The following ANKRD27 variants were observed in gnomAD, a reference collection of about 807,000 sequenced individuals.
ANKRD27 encodes ankyrin repeat domain 27.
A neutral mutation model predicts 129.7 loss-of-function variants in ANKRD27; 112 were observed. The ratio of observed to expected loss-of-function variants is 0.86; its 90% CI spans 0.74 to 1.01. ANKRD27 has a LOEUF of 1.01. Among genes scored for constraint, ANKRD27 ranks in the 50% least tolerant of loss-of-function variants. The pLI is 0.00. For synonymous variants in ANKRD27, 516 were observed against 511.2 expected (o/e 1.01, Z -0.13); for missense variants, 1,258 against 1,300.5 (o/e 0.97, Z 0.50).
At chr19:32,603,712 G>T (rs544612611) in intron 25 of ANKRD27, among the ~76,000 whole-genome samples, 1 of 142,882 alleles carries the variant, frequency 7.0e-6, no homozygotes, top group South Asian at 2.3e-4. Flanking sequence ...CTGATTTTTT[G>T]ATTTTTTGTA....
In ANKRD27 at chr19:32,646,625, A is replaced by T. The variant is rs774576032; in HGVS notation, c.214-10T>A. The T allele has an allele frequency of 5.0e-6, 8 of 1,611,320 alleles. 1 individual carries two copies. Among genetic ancestry groups the T allele is most frequent in the South Asian group, 2.2e-5 (2 of 90,922 alleles). ...CTTGAATAAAGACATCCTGGAAACA[A>T]GAAAGCCATCACTGCACCAGCAGCC... On this transcript the variant is annotated splice_polypyrimidine_tract_variant and intron_variant, in intron 3 of 28. Coordinates refer to ENST00000306065, the MANE Select transcript of ANKRD27 (RefSeq NM_032139.3).
In ANKRD27 at chr19:32,642,996, G is replaced by A. The variant is rs370775530; in HGVS notation, c.782+127C>T. 1,293 of 897,228 alleles carry A rather than the reference G, an allele frequency of 1.4e-3. 20 individuals are homozygous for A. The South Asian group carries it at 0.018, about 13-fold the overall frequency. The allele number at this position is 897,228 out of a possible 1,614,324, so 55.6% of individuals were successfully genotyped here. A position where few individuals can be genotyped will look rare whatever the true frequency, so the allele number is the denominator to read the frequency against. The stretch of plus-strand genomic sequence containing the variant: ...CCTTTATCTTTGGTTGCAAGTAACT[G>A]CGCTGCTCCTCAGAACTAACCACAT... On this transcript the variant is annotated intron_variant, in intron 9 of 28. Transcript: ENST00000306065.
At chr19:32,637,470 G>A (rs992192873) in intron 12 of ANKRD27, 1 of 152,186 alleles carries the variant, frequency 6.6e-6, no homozygotes, top group Non-Finnish European at 1.5e-5. Flanking sequence ...ACAATGGCAA[G>A]GCCACTGAGT....
chr19:32,606,019 A>T, intron 23 of ANKRD27, 65 bp from the exon 24 acceptor site: 1 of 1,416,144 alleles, frequency 7.1e-7, no homozygotes, highest in Non-Finnish European at 9.5e-7. Context: ...CCAGAGAAAA[A>T]TTATGAAAAA....
chr19:32,617,944 T>C (rs1403124183), intron 20 of ANKRD27, among the ~76,000 whole-genome samples: 1 of 151,880 alleles, frequency 6.6e-6, no homozygotes, highest in African/African-American at 2.4e-5. Context: ...TTTTAGTAGA[T>C]ACAGGGTTTC....
intron 1 of ANKRD27, among the ~76,000 whole-genome samples, chr19:32,668,889 T>C (rs1402874515): frequency 6.6e-6 from 1 of 152,094 alleles, no homozygotes; most frequent in Non-Finnish European, 1.5e-5. Context: ...TCACAATAAC[T>C]CTAGGCAAGT....
At chr19:32,666,639 C>CTTTTTTTTTTTTTTTTTTTTTTTTTTT in intron 1 of ANKRD27, among the ~76,000 whole-genome samples, 1 of 112,020 alleles carries the variant, frequency 8.9e-6, no homozygotes, top group Non-Finnish European at 1.8e-5. Flanking sequence ...AATCAGATTT[C>CTTTTTTTTTTTTTTTTTTTTTTTTTTT]TATTTTTTTT....
intron 2 of ANKRD27, among the ~76,000 whole-genome samples, chr19:32,652,313 T>C (rs1053290928): frequency 6.6e-6 from 1 of 152,228 alleles, no homozygotes; most frequent in African/African-American, 2.4e-5. Context: ...AGAAAGGCCA[T>C]GTGTGGTGGC....
Position 32,664,665 on chromosome 19 carries a change from G to T in ANKRD27, c.-30-5620C>A, listed in dbSNP as rs566247074. On this transcript the variant is annotated intron_variant, in intron 1 of 28. Transcript: ENST00000306065. ...ATAATAATAATAATAATAATAAAAA[G>T]TTCTTCATGATGGCCGGGCACAGTG... Among the ~76,000 whole-genome samples, 19 of 107,916 alleles carry T rather than the reference G, an allele frequency of 1.8e-4. 1 individual carries two copies. In the South Asian group the frequency reaches 5.9e-3, roughly 33 times the overall value. The allele number at this position is 107,916 out of a possible 152,430, so 70.8% of individuals were successfully genotyped here. A position where few individuals can be genotyped will look rare whatever the true frequency, so the allele number is the denominator to read the frequency against.
At chr19:32,627,922 G>A (rs541537824) in intron 15 of ANKRD27, among the ~76,000 whole-genome samples, 161 bp downstream of exon 15, 24 of 152,332 alleles carry the variant, frequency 1.6e-4, no homozygotes, top group Admixed American at 9.1e-4. Flanking sequence ...CCTGTGGAAC[G>A]TTTGCTCCTC....
chr19:32,616,190 C>G (rs1971915883), intron 21 of ANKRD27, among the ~76,000 whole-genome samples: 1 of 152,052 alleles, frequency 6.6e-6, no homozygotes, highest in Non-Finnish European at 1.5e-5. Context: ...CAGAGCAAAA[C>G]TCTCAAAAAA....
At chr19:32,609,478 C>T (rs1338921780) in intron 22 of ANKRD27, among the ~76,000 whole-genome samples, 2 of 152,190 alleles carry the variant, frequency 1.3e-5, no homozygotes, top group Non-Finnish European at 2.9e-5. Context: ...ACCCAATCAA[C>T]TACTATCCAG....
chr19:32,663,207 G>C lies in ANKRD27; in HGVS notation c.-30-4162C>G, dbSNP rs549623323. ...AAGCCCACATGATGAAAGGCCATGG[G>C]GGGAGAGCGAGGCCTAGGTGGCCCA... On this transcript the variant is annotated intron_variant, in intron 1 of 28. Coordinates refer to ENST00000306065, the MANE Select transcript of ANKRD27 (RefSeq NM_032139.3). Among the ~76,000 whole-genome samples the C allele has an allele frequency of 2.6e-5, 4 of 152,282 alleles. No individual in the cohort carries two copies. In the East Asian group the frequency reaches 5.8e-4, roughly 22 times the overall value.
At chr19:32,643,766 C>CTT in intron 5 of ANKRD27, 135 bp from the exon 6 acceptor site, 6 of 829,300 alleles carry the variant, frequency 7.2e-6, no homozygotes, top group Non-Finnish European at 1.2e-5. Context: ...TTTTTCTCAA[C>CTT]TTTTTTTTTA....
chr19:32,665,823 G>A (rs547742096), intron 1 of ANKRD27, among the ~76,000 whole-genome samples: 18 of 151,496 alleles, frequency 1.2e-4, no homozygotes, highest in African/African-American at 4.1e-4. Context: ...GTACAGTGGC[G>A]CAATATTGGC....
chr19:32,658,857 A>C, intron 2 of ANKRD27, 57 bp downstream of exon 2: 3 of 1,372,614 alleles, frequency 2.2e-6, no homozygotes, highest in Non-Finnish European at 2.1e-6. Context: ...GCCTTAGTCT[A>C]CCACGTCTCT....
chr19:32,599,783 C>T lies in ANKRD27; in HGVS notation c.2847-7G>A. The stretch of plus-strand genomic sequence containing the variant: ...CTCCCTTGAAGTCTTTCCCCTAAAA[C>T]CCAAAATAAACGAAAATAAATATTT... On this transcript the variant is annotated splice_polypyrimidine_tract_variant and splice_region_variant and intron_variant, in intron 27 of 28. Coordinates refer to ENST00000306065, the MANE Select transcript of ANKRD27 (RefSeq NM_032139.3). The T allele has an allele frequency of 2.5e-6, 4 of 1,611,822 alleles. No homozygotes were observed. Among genetic ancestry groups the T allele is most frequent in the South Asian group, 1.1e-5 (1 of 90,292 alleles).
rs769472089 is a variant in ANKRD27, at chr19:32,642,012, C to G, written c.904+12G>C. On this transcript the variant is annotated intron_variant, in intron 10 of 28. Coordinates refer to ENST00000306065, the MANE Select transcript of ANKRD27 (RefSeq NM_032139.3). ...ATCTACCCCTTGGCCAGTCCCCTTTCCAAGCACAAACCTCTCTGGCTTGGA... is the reference window on the plus strand; with the variant it reads ...ATCTACCCCTTGGCCAGTCCCCTTTGCAAGCACAAACCTCTCTGGCTTGGA... The G allele has an allele frequency of 6.4e-7, 1 of 1,566,242 alleles. No homozygotes were observed. The highest frequency in any genetic ancestry group is 8.7e-7 in the Non-Finnish European group (1 of 1,151,700).
chr19:32,641,863 C>G (rs560946327), intron 10 of ANKRD27, among the ~76,000 whole-genome samples, 161 bp downstream of exon 10: 186 of 150,966 alleles, frequency 1.2e-3, no homozygotes, highest in African/African-American at 4.3e-3. Flanking sequence ...CAATTCCTGG[C>G]CTCAAGTGAT....
Sources: allele counts gnomAD v4.1 joint callset (sites outside exome capture counted in the v4.1 genomes callset), GRCh38; gene constraint gnomAD v4.1.1; transcripts MANE v1.5; gene names NCBI Gene and HGNC (gene_info 2026-07-23, HGNC 2026-07-21).